The following MEGF10 variants were observed in gnomAD, a reference collection of about 807,000 sequenced individuals.
MEGF10 encodes the protein multiple epidermal growth factor-like domains protein 10.
MEGF10 carries 86 observed loss-of-function variants against 147.5 expected under a neutral mutation model. The ratio of observed to expected loss-of-function variants is 0.58; its 90% CI spans 0.49 to 0.70. The LOEUF (loss-of-function observed/expected upper bound fraction) is 0.70, where lower values mean the gene tolerates loss of function less well. Among genes scored for constraint, MEGF10 ranks in the 30% least tolerant of loss-of-function variants. The probability of loss-of-function intolerance (pLI) is 0.00; values close to 1 mark genes in which losing one functional copy is unlikely to be tolerated. For synonymous variants in MEGF10, 478 were observed against 525.5 expected, an observed-to-expected ratio of 0.91 and a Z score of 1.24; for missense variants, 1,329 against 1,487.3, an observed-to-expected ratio of 0.89 and a Z score of 1.75.
chr5:127,246,195 G>A, the MEGF10 span, among the ~76,000 whole-genome samples: 1 of 152,062 alleles, frequency 6.6e-6, no homozygotes, highest in African/African-American at 2.4e-5. Context: ...GCAAAGACTT[G>A]GAACCAATCC....
At chr5:127,269,224 C>A in the MEGF10 span, among the ~76,000 whole-genome samples, 2 of 152,220 alleles carry the variant, frequency 1.3e-5, no homozygotes, top group Non-Finnish European at 2.9e-5. Context: ...AGCAATGGAA[C>A]AAAGCTGGAT....
intron 1 of MEGF10, among the ~76,000 whole-genome samples, chr5:127,330,038 C>T (rs539733259): frequency 2.0e-5 from 3 of 152,262 alleles, no homozygotes; most frequent in African/African-American, 7.2e-5. Context: ...AGCTTCCCCT[C>T]CCCAGAGGAG....
intron 5 of MEGF10, among the ~76,000 whole-genome samples, chr5:127,383,039 T>C (rs1763313472): frequency 6.6e-6 from 1 of 152,216 alleles, no homozygotes; most frequent in Non-Finnish European, 1.5e-5. Flanking sequence ...AATTTGACTA[T>C]GTCTAGAGTA....
Position 127,443,092 on chromosome 5 carries a change from C to T in MEGF10, c.2457C>T (p.Cys819=), listed in dbSNP as rs1278381772. 1.1e-5 allele frequency: 18 copies of T among 1,613,514 alleles called. 1 individual carries two copies. The Admixed American group carries it at 2.7e-4, about 24-fold the overall frequency. The part of the protein sequence containing the change: ...TCDHITGTCY[C]SPGWKGARCD... ...ACCACATCACTGGGACCTGTTACTG[C>T]AGCCCCGGATGGAAGGGAGCGAGAT... is the stretch of plus-strand genomic sequence containing the variant. The change falls in exon 19 of 25, where the codon TGC becomes TGT. Residue 819 remains cysteine, a synonymous_variant. Transcript: ENST00000503335.
chr5:127,255,704 G>T, the MEGF10 span, among the ~76,000 whole-genome samples: 3 of 152,124 alleles, frequency 2.0e-5, no homozygotes. Context: ...GAAAATCTGA[G>T]AACTCCAGTT....
At chr5:127,285,519 TGTTGTA>T in the MEGF10 span, among the ~76,000 whole-genome samples, 1 of 152,106 alleles carries the variant, frequency 6.6e-6, no homozygotes, top group Non-Finnish European at 1.5e-5. Context: ...GCATTAGTTA[TGTTGTA>T]GTGTTCAGAA....
chr5:127,343,980 T>C (rs543642513), intron 4 of MEGF10, among the ~76,000 whole-genome samples: 2 of 152,084 alleles, frequency 1.3e-5, no homozygotes, highest in Non-Finnish European at 2.9e-5. Context: ...AGGATGGTGG[T>C]AGGACCATGC....
chr5:127,320,290 TA>T (rs1464439943), intron 1 of MEGF10, among the ~76,000 whole-genome samples: 3 of 152,086 alleles, frequency 2.0e-5, no homozygotes, highest in Non-Finnish European at 4.4e-5. Flanking sequence ...TGAATTTCAC[TA>T]AAAATGGCAG....
chr5:127,317,935 G>A (rs1309991117), intron 1 of MEGF10, among the ~76,000 whole-genome samples: 1 of 152,098 alleles, frequency 6.6e-6, no homozygotes, highest in African/African-American at 2.4e-5. Flanking sequence ...GTGATGTTCT[G>A]ACTTGTGTTT....
intron 13 of MEGF10, among the ~76,000 whole-genome samples, chr5:127,428,216 T>G (rs1375827013): frequency 6.7e-6 from 1 of 150,090 alleles, no homozygotes; most frequent in Non-Finnish European, 1.5e-5. Context: ...TTATTAAGAC[T>G]TTTTTCAACT....
At chr5:127,311,696 A>G (rs1760293267) in intron 1 of MEGF10, among the ~76,000 whole-genome samples, 1 of 152,212 alleles carries the variant, frequency 6.6e-6, no homozygotes, top group African/African-American at 2.4e-5. Context: ...CTTCATAAAG[A>G]GAACTCTTTT....
intron 4 of MEGF10, among the ~76,000 whole-genome samples, chr5:127,348,922 T>C (rs1761992502): frequency 6.6e-6 from 1 of 152,142 alleles, no homozygotes; most frequent in African/African-American, 2.4e-5. Context: ...AGGTGAAATC[T>C]TATGAACTCT....
the MEGF10 span, among the ~76,000 whole-genome samples, chr5:127,253,015 T>C: frequency 6.6e-6 from 1 of 151,970 alleles, no homozygotes; most frequent in African/African-American, 2.4e-5. Context: ...CTACAATTCA[T>C]ACTCATAAAC....
At chr5:127,389,079 G>A (rs995481812) in intron 5 of MEGF10, among the ~76,000 whole-genome samples, 4 of 152,194 alleles carry the variant, frequency 2.6e-5, no homozygotes, top group Non-Finnish European at 1.5e-5. Flanking sequence ...GAGCAGAATG[G>A]CCTCATGTAA....
rs754366209 is a variant in MEGF10, at chr5:127,402,677, G to A, written c.912G>A (p.Gly304=). ...GQCHCSPGYT[G]ERCQDECPVG... ...GTCATTGCAGTCCAGGATACACAGG[G>A]GAACGGTAAGGGATGCCCTTGTATT... The change falls in exon 8 of 25, where the codon GGG becomes GGA. Residue 304 remains glycine, a synonymous_variant. Transcript: ENST00000503335. The A allele has an allele frequency of 2.4e-5, 38 of 1,613,698 alleles. No individual in the cohort carries two copies. The highest frequency in any genetic ancestry group is 3.0e-5 in the Non-Finnish European group (35 of 1,179,888).
chr5:127,377,812 G>A (rs890652965), intron 5 of MEGF10, among the ~76,000 whole-genome samples: 7 of 152,172 alleles, frequency 4.6e-5, no homozygotes, highest in African/African-American at 1.7e-4. Flanking sequence ...CCCAGTCCTC[G>A]CTGCAGTCAT....
chr5:127,230,404 G>A, the MEGF10 span, among the ~76,000 whole-genome samples: 1 of 152,112 alleles, frequency 6.6e-6, no homozygotes, highest in East Asian at 1.9e-4. Context: ...CCTTTAAATG[G>A]TCTACATCCA....
At chr5:127,357,447 G>C (rs1561591210) in intron 4 of MEGF10, among the ~76,000 whole-genome samples, 1 of 151,914 alleles carries the variant, frequency 6.6e-6, no homozygotes. Context: ...TCGGGCAGCT[G>C]ATACAGGGTC....
intron 10 of MEGF10, 114 bp downstream of exon 10, chr5:127,417,926 A>G (rs1180407778): frequency 2.8e-6 from 3 of 1,066,902 alleles, no homozygotes; most frequent in African/African-American, 3.3e-5. Context: ...AGTCATCCAC[A>G]TCATTAAAGA....
Sources: allele counts gnomAD v4.1 joint callset (sites outside exome capture counted in the v4.1 genomes callset), GRCh38; gene constraint gnomAD v4.1.1; transcripts MANE v1.5; gene names NCBI Gene and HGNC (gene_info 2026-07-23, HGNC 2026-07-21).